The following DZIP3 variants were observed in gnomAD, a reference collection of about 807,000 sequenced individuals.
DZIP3 encodes the protein E3 ubiquitin-protein ligase DZIP3.
Under a neutral mutation model 162.0 loss-of-function variants are expected in DZIP3, and 118 were observed. That is an observed-to-expected ratio of 0.73 (90% CI 0.63 to 0.85). DZIP3 has a LOEUF of 0.85. Among genes scored for constraint, DZIP3 ranks in the 40% least tolerant of loss-of-function variants. The pLI, the probability that DZIP3 is intolerant of heterozygous loss-of-function variation, is 0.00. For missense variants in DZIP3, 1,331 were observed against 1,407.0 expected (o/e 0.95, Z 0.86); for synonymous variants, 438 against 458.6 (o/e 0.96, Z 0.57).
intron 10 of DZIP3, 150 bp downstream of exon 10, chr3:108,635,122 T>C (rs767533820): frequency 1.9e-6 from 1 of 522,576 alleles, no homozygotes; most frequent in Non-Finnish European, 3.4e-6. Flanking sequence ...CCTTCTTTGT[T>C]CTTTCCCAAT....
chr3:108,611,206 T>C lies in DZIP3; in HGVS notation c.135T>C (p.Leu45=). The change falls in exon 4 of 33, where the codon CTT becomes CTC. Residue 45 remains leucine (L), a synonymous_variant. Coordinates refer to ENST00000361582, the MANE Select transcript of DZIP3 (RefSeq NM_014648.4). ...NKQENDIPTD[L]VPVNLLLEVK... ...AGGAAAATGACATACCTACTGATCTTGTCCCTGTTAACCTACTATTAGAAG... is the reference window on the plus strand; with the variant it reads ...AGGAAAATGACATACCTACTGATCTCGTCCCTGTTAACCTACTATTAGAAG... 6.2e-7 allele frequency: 1 copy of C among 1,605,880 alleles called. No homozygotes were observed. Among genetic ancestry groups the C allele is most frequent in the Non-Finnish European group, 8.5e-7 (1 of 1,178,124 alleles).
Position 108,644,783 on chromosome 3 carries a change from T to C in DZIP3, c.1759+2T>C. 1 of 1,590,602 alleles carries C rather than the reference T, an allele frequency of 6.3e-7. No homozygotes were observed. Among genetic ancestry groups the C allele is most frequent in the Non-Finnish European group, 8.5e-7 (1 of 1,170,050 alleles). ...GGATGTTATCCTGCTATCAACAAGG[T>C]ACTAAATGATTATTTACTTCAGCCA... On this transcript the variant is annotated splice_donor_variant, in intron 14 of 32. Transcript: ENST00000361582. LOFTEE classifies it high-confidence loss of function.
rs1242891457 is a variant in DZIP3, at chr3:108,677,488, T to G, written c.2782-9T>G. The G allele has an allele frequency of 1.9e-6, 3 of 1,611,408 alleles. No homozygotes were observed. The highest frequency in any genetic ancestry group is 1.3e-5 in the African/African-American group (1 of 74,920). ...GTTCTCTAAAGTATTTTTAGTCTTC[T>G]TCTACCAGACACAGTACAATGAACA... On this transcript the variant is annotated splice_polypyrimidine_tract_variant and intron_variant, in intron 25 of 32. Coordinates refer to ENST00000361582, the MANE Select transcript of DZIP3 (RefSeq NM_014648.4).
chr3:108,653,507 G>GTGTATGTATA (rs1273159630), intron 18 of DZIP3, among the ~76,000 whole-genome samples: 1 of 104,602 alleles, frequency 9.6e-6, no homozygotes, highest in Non-Finnish European at 2.0e-5. Context: ...GTGTGTGTGT[G>GTGTATGTATA]TATATATATA....
chr3:108,631,582 CCTTTT>C (rs1941890605), intron 8 of DZIP3, among the ~76,000 whole-genome samples: 2 of 128,884 alleles, frequency 1.6e-5, no homozygotes, highest in African/African-American at 6.1e-5. Context: ...ATTATTATTC[CCTTTT>C]TTTTTTTTTT....
At chr3:108,685,554 T>G (rs995661773) in intron 27 of DZIP3, among the ~76,000 whole-genome samples, 6 of 152,292 alleles carry the variant, frequency 3.9e-5, no homozygotes, top group Non-Finnish European at 1.5e-5. Flanking sequence ...TATTATATTA[T>G]TTAATTAGAA....
At chr3:108,655,473 G>A (rs1337312261) in intron 19 of DZIP3, among the ~76,000 whole-genome samples, 10 of 152,134 alleles carry the variant, frequency 6.6e-5, no homozygotes, top group Non-Finnish European at 1.0e-4. Context: ...CAATAAAAGC[G>A]TTACCCTTAC....
At chr3:108,642,605 T>C (rs751359806) in intron 13 of DZIP3, 91 bp downstream of exon 13, 82 of 1,288,978 alleles carry the variant, frequency 6.4e-5, no homozygotes, top group Non-Finnish European at 8.2e-5. Context: ...CAACCACGTC[T>C]TTACTGTGTT....
At position 108,663,242 on chromosome 3, in the gene DZIP3, G is replaced by A. The variant is rs114410462; in HGVS notation, c.2423+985G>A. On this transcript the variant is annotated intron_variant, in intron 21 of 32. Transcript: ENST00000361582. ...ACTTAAGAAAACTTAGACAAACGAA[G>A]CTGGCTGCAATCACTTAAGAAACTT... 1.6e-3 allele frequency among the ~76,000 whole-genome samples: 240 copies of A among 152,180 alleles called. 1 individual carries two copies. Among genetic ancestry groups the A allele is most frequent in the African/African-American group, 5.5e-3 (230 of 41,472 alleles).
chr3:108,639,634 C>T (rs972161502), intron 12 of DZIP3, among the ~76,000 whole-genome samples: 9 of 150,930 alleles, frequency 6.0e-5, no homozygotes, highest in African/African-American at 1.7e-4. Context: ...TTCTCTGTAG[C>T]GATGTCACCT....
chr3:108,692,441 A>G (rs751527832), intron 32 of DZIP3, among the ~76,000 whole-genome samples: 2 of 152,202 alleles, frequency 1.3e-5, no homozygotes, highest in Non-Finnish European at 2.9e-5. Flanking sequence ...GGGACAGTTC[A>G]TATGTTTCTG....
chr3:108,596,432 A>G (rs1037217850), intron 1 of DZIP3, among the ~76,000 whole-genome samples: 1 of 152,198 alleles, frequency 6.6e-6, no homozygotes, highest in African/African-American at 2.4e-5. Flanking sequence ...ATGGATAGAA[A>G]AGACTTTTTA....
At chr3:108,649,670 C>A (rs1202614426) in intron 17 of DZIP3, among the ~76,000 whole-genome samples, 1 of 151,592 alleles carries the variant, frequency 6.6e-6, no homozygotes, top group Non-Finnish European at 1.5e-5. Context: ...AATATTTGCC[C>A]AACCACAATC....
chr3:108,623,940 T>C (rs947819688), intron 5 of DZIP3, among the ~76,000 whole-genome samples: 76 of 152,226 alleles, frequency 5.0e-4, no homozygotes, highest in African/African-American at 1.8e-3. Context: ...GCAAAGTCCT[T>C]CCCCCAAGCG....
chr3:108,650,606 A>C (rs1270555646), intron 17 of DZIP3, among the ~76,000 whole-genome samples: 1 of 151,744 alleles, frequency 6.6e-6, no homozygotes, highest in African/African-American at 2.4e-5. Context: ...AGGGCTTTTA[A>C]GATTTTTTTC....
rs756072861 is a variant in DZIP3, at chr3:108,690,910, G to A, written c.*6+7G>A. 4 of 1,612,750 alleles carry A rather than the reference G, an allele frequency of 2.5e-6. No homozygotes were observed. The Admixed American group carries it at 6.7e-5, about 27-fold the overall frequency. ...GCCCAAGATCTGATACAAGGTCGGGGTGTCTATGCAAAGGAAGCTCAGTTT... is the reference window on the plus strand; with the variant it reads ...GCCCAAGATCTGATACAAGGTCGGGATGTCTATGCAAAGGAAGCTCAGTTT... On this transcript the variant is annotated splice_region_variant and intron_variant, in intron 32 of 32. Coordinates refer to ENST00000361582, the MANE Select transcript of DZIP3 (RefSeq NM_014648.4).
intron 19 of DZIP3, 156 bp downstream of exon 19, chr3:108,654,466 G>C: frequency 1.2e-5 from 9 of 751,786 alleles, no homozygotes; most frequent in East Asian, 2.9e-5. Context: ...ATATATGAAG[G>C]AAAATAGAAT....
chr3:108,601,470 C>G (rs1330627453), intron 1 of DZIP3, among the ~76,000 whole-genome samples: 3 of 152,128 alleles, frequency 2.0e-5, no homozygotes, highest in Non-Finnish European at 4.4e-5. Context: ...CTGAAAAAGA[C>G]AAAATATATT....
chr3:108,622,880 C>CTCTGTGTGTGTG (rs796232998), intron 5 of DZIP3, among the ~76,000 whole-genome samples: 12 of 53,096 alleles, frequency 2.3e-4, no homozygotes, highest in Admixed American at 2.4e-4. Context: ...CTCTCTCTCT[C>CTCTGTGTGTGTG]TGTGTGTGTG....
Sources: allele counts gnomAD v4.1 joint callset (sites outside exome capture counted in the v4.1 genomes callset), GRCh38; gene constraint gnomAD v4.1.1; transcripts MANE v1.5; gene names NCBI Gene and HGNC (gene_info 2026-07-23, HGNC 2026-07-21).